TSHZ1: variants seen among roughly 807,000 people sequenced by gnomAD.
The protein encoded by TSHZ1 is teashirt homolog 1.
TSHZ1 carries 12 observed loss-of-function variants against 67.1 expected under a neutral mutation model. The ratio of observed to expected loss-of-function variants is 0.18; its 90% CI spans 0.11 to 0.29. TSHZ1 has a LOEUF of 0.29. Ranked by LOEUF, TSHZ1 falls within the 10% of genes least tolerant of loss-of-function variation. The pLI is 1.00. For synonymous variants in TSHZ1, 632 were observed against 622.4 expected, an observed-to-expected ratio of 1.02 and a Z score of -0.23; for missense variants, 1,305 against 1,413.9, an observed-to-expected ratio of 0.92 and a Z score of 1.23.
intron 1 of TSHZ1, chr18:75,221,246 G>C (rs2122518571): frequency 6.6e-6 from 1 of 152,322 alleles, no homozygotes; most frequent in East Asian, 1.9e-4. Context: ...ATCTATAGGA[G>C]CGAGTGATGG....
chr18:75,278,953 G>A (rs987115113), intron 1 of TSHZ1, among the ~76,000 whole-genome samples: 32 of 152,120 alleles, frequency 2.1e-4, no homozygotes, highest in Middle Eastern at 3.2e-3. Context: ...TCCGTCTGTG[G>A]GGTCGTTGAG....
At chr18:75,212,238 G>A (rs1042734254) in intron 1 of TSHZ1, among the ~76,000 whole-genome samples, 2 of 152,210 alleles carry the variant, frequency 1.3e-5, no homozygotes, top group African/African-American at 4.8e-5. Context: ...CTGAGGGGAA[G>A]TAGTTGCTCC....
chr18:75,275,770 A>G (rs1599053677), intron 1 of TSHZ1, among the ~76,000 whole-genome samples: 1 of 152,318 alleles, frequency 6.6e-6, no homozygotes, highest in East Asian at 1.9e-4. Context: ...GTCATTGGGT[A>G]TGCAGGTCTT....
chr18:75,239,888 G>A (rs966946680), intron 1 of TSHZ1, among the ~76,000 whole-genome samples: 5 of 152,188 alleles, frequency 3.3e-5, no homozygotes, highest in East Asian at 1.9e-4. Flanking sequence ...GAGGAGGTAC[G>A]CGATGGGTGT....
chr18:75,262,366 A>G (rs2023440796), intron 1 of TSHZ1, among the ~76,000 whole-genome samples: 2 of 152,208 alleles, frequency 1.3e-5, no homozygotes, highest in African/African-American at 4.8e-5. Context: ...AGATAATTGT[A>G]TATGCTTTTC....
chr18:75,243,983 AC>A (rs1161252831), intron 1 of TSHZ1, among the ~76,000 whole-genome samples: 1 of 152,244 alleles, frequency 6.6e-6, no homozygotes, highest in Non-Finnish European at 1.5e-5. Context: ...ATAAAAAAAT[AC>A]ATGATACATT....
intron 1 of TSHZ1, among the ~76,000 whole-genome samples, chr18:75,277,694 G>T (rs1482574107): frequency 1.3e-5 from 2 of 152,078 alleles, no homozygotes; most frequent in Non-Finnish European, 2.9e-5. Context: ...CTTTCCTGGT[G>T]ACCTCCTAAA....
At chr18:75,264,416 G>A (rs1456085172) in intron 1 of TSHZ1, among the ~76,000 whole-genome samples, 2 of 151,832 alleles carry the variant, frequency 1.3e-5, no homozygotes, top group African/African-American at 4.8e-5. Context: ...CATGCGGGTG[G>A]TGTTTCTGTG....
intron 1 of TSHZ1, among the ~76,000 whole-genome samples, chr18:75,273,305 A>G (rs1028689659): frequency 1.3e-5 from 2 of 152,228 alleles, no homozygotes. Context: ...TAATTGGGGT[A>G]CAGATTAAGA....
intron 1 of TSHZ1, chr18:75,221,247 C>T (rs555651397): frequency 1.3e-5 from 2 of 152,166 alleles, no homozygotes; most frequent in East Asian, 1.9e-4. Flanking sequence ...TCTATAGGAG[C>T]GAGTGATGGG....
Position 75,287,441 on chromosome 18 carries a change from A to C in TSHZ1, c.2034A>C (p.Lys678Asn), listed in dbSNP as rs140696814. The C allele has an allele frequency of 8.7e-6, 14 of 1,614,208 alleles. No homozygotes were observed. In the African/African-American group the frequency reaches 1.7e-4, roughly 20 times the overall value. The change falls in exon 2 of 2, where the codon AAA (lysine) becomes AAC (asparagine). Residue 678 changes from lysine to asparagine, a missense_variant. Transcript: ENST00000580243. The surrounding 1 kb of genome is among the most constrained non-coding windows in gnomAD (Gnocchi z 5.0). The part of the protein sequence containing the change: ...KAASPIAKEN[K>N]DFPKTEEVSG... ...CGTCCCCCATAGCAAAAGAGAATAA[A>C]GATTTCCCGAAAACGGAGGAAGTCA...
At chr18:75,224,251 CTTT>C (rs1263402253) in intron 1 of TSHZ1, among the ~76,000 whole-genome samples, 1 of 152,116 alleles carries the variant, frequency 6.6e-6, no homozygotes, top group African/African-American at 2.4e-5. Context: ...CGTCTGTCTT[CTTT>C]AATTATTACC....
intron 1 of TSHZ1, among the ~76,000 whole-genome samples, chr18:75,261,906 G>T (rs574242891): frequency 6.6e-6 from 1 of 152,334 alleles, no homozygotes; most frequent in East Asian, 1.9e-4. Context: ...ATGGCGTTTG[G>T]CCATGATTCA....
At chr18:75,257,990 G>A (rs2023382604) in intron 1 of TSHZ1, among the ~76,000 whole-genome samples, 1 of 152,242 alleles carries the variant, frequency 6.6e-6, no homozygotes, top group South Asian at 2.1e-4. Context: ...TGGACTCCTA[G>A]CAGAGCGGGA....
At chr18:75,234,184 G>A (rs969347919) in intron 1 of TSHZ1, among the ~76,000 whole-genome samples, 2 of 152,182 alleles carry the variant, frequency 1.3e-5, no homozygotes, top group Admixed American at 6.5e-5. Context: ...GATGACTGGA[G>A]CCGGAGCCTG....
intron 1 of TSHZ1, among the ~76,000 whole-genome samples, chr18:75,236,620 CAG>C (rs1555726320): frequency 1.3e-5 from 2 of 152,040 alleles, no homozygotes; most frequent in Non-Finnish European, 2.9e-5. Flanking sequence ...TCCATGGGGA[CAG>C]GGGTTTTGTC....
At chr18:75,260,704 G>A (rs1366111751) in intron 1 of TSHZ1, among the ~76,000 whole-genome samples, 1 of 152,166 alleles carries the variant, frequency 6.6e-6, no homozygotes, top group African/African-American at 2.4e-5. Context: ...TTCACTGGGA[G>A]TTTCCTGGAT....
chr18:75,224,512 C>T (rs2022894704), intron 1 of TSHZ1, among the ~76,000 whole-genome samples: 1 of 151,984 alleles, frequency 6.6e-6, no homozygotes, highest in Admixed American at 6.5e-5. Context: ...TTTTTATGGA[C>T]TAAAGAAAAA....
intron 1 of TSHZ1, among the ~76,000 whole-genome samples, chr18:75,224,876 ATTATT>A (rs2022901705): frequency 6.6e-6 from 1 of 152,084 alleles, no homozygotes; most frequent in Admixed American, 6.5e-5. Flanking sequence ...AAGGGCTTAT[ATTATT>A]AGAGAATTCC....
Sources: allele counts gnomAD v4.1 joint callset (sites outside exome capture counted in the v4.1 genomes callset), GRCh38; gene constraint gnomAD v4.1.1; non-coding constraint Gnocchi (gnomAD v3.1); transcripts MANE v1.5; gene names NCBI Gene and HGNC (gene_info 2026-07-23, HGNC 2026-07-21).